TAFA4: variants seen among roughly 807,000 people sequenced by gnomAD.
TAFA4 encodes chemokine-like protein TAFA-4.
Under a neutral mutation model 21.1 loss-of-function variants are expected in TAFA4, and 20 were observed. The ratio of observed to expected loss-of-function variants is 0.95; its 90% CI spans 0.67 to 1.38. The LOEUF (loss-of-function observed/expected upper bound fraction) is 1.38, where lower values mean the gene tolerates loss of function less well. Among genes scored for constraint, TAFA4 ranks in the 40% most tolerant of loss-of-function variants. The pLI, the probability that TAFA4 is intolerant of heterozygous loss-of-function variation, is 0.00. For synonymous variants in TAFA4, 71 were observed against 67.4 expected (o/e 1.05, Z -0.26); for missense variants, 211 against 180.9 (o/e 1.17, Z -0.95).
chr3:68,793,624 A>G (rs907474971), intron 3 of TAFA4, among the ~76,000 whole-genome samples: 4 of 152,204 alleles, frequency 2.6e-5, no homozygotes, highest in Non-Finnish European at 5.9e-5. Flanking sequence ...GAACTTCATG[A>G]AGAGTAAAAA....
intron 3 of TAFA4, among the ~76,000 whole-genome samples, chr3:68,849,490 C>A (rs145394853): frequency 5.8e-4 from 89 of 152,284 alleles, no homozygotes; most frequent in African/African-American, 2.1e-3. Context: ...TAAGACTACA[C>A]AGATCAGCAG....
chr3:68,777,973 A>G (rs1281213786), intron 3 of TAFA4, among the ~76,000 whole-genome samples: 2 of 152,158 alleles, frequency 1.3e-5, no homozygotes, highest in African/African-American at 4.8e-5. Context: ...TGACAACATT[A>G]CCTAACAATA....
chr3:68,840,379 T>C (rs1208174687), intron 3 of TAFA4, among the ~76,000 whole-genome samples: 1 of 152,038 alleles, frequency 6.6e-6, no homozygotes, highest in African/African-American at 2.4e-5. Flanking sequence ...CAACTAATTT[T>C]TGTATTTGTA....
intron 4 of TAFA4, among the ~76,000 whole-genome samples, chr3:68,743,231 G>C (rs1178065762): frequency 6.6e-6 from 1 of 152,098 alleles, no homozygotes; most frequent in Non-Finnish European, 1.5e-5. Flanking sequence ...TATTGTGCCA[G>C]AGACTGCCAC....
At chr3:68,758,254 A>C (rs996076697) in intron 3 of TAFA4, among the ~76,000 whole-genome samples, 15 of 152,194 alleles carry the variant, frequency 9.9e-5, no homozygotes, top group African/African-American at 3.6e-4. Flanking sequence ...GTCTTTTTAG[A>C]AATTTGTGTA....
intron 4 of TAFA4, among the ~76,000 whole-genome samples, chr3:68,748,538 C>A (rs992810725): frequency 6.6e-6 from 1 of 152,078 alleles, no homozygotes; most frequent in African/African-American, 2.4e-5. Flanking sequence ...GTCAGGAGAT[C>A]GAGACCATCC....
At chr3:68,929,467 G>A (rs1467289099) in intron 1 of TAFA4, among the ~76,000 whole-genome samples, 1 of 152,148 alleles carries the variant, frequency 6.6e-6, no homozygotes, top group African/African-American at 2.4e-5. Flanking sequence ...ATGATTGATT[G>A]GCTTCAGGAC....
intron 3 of TAFA4, among the ~76,000 whole-genome samples, chr3:68,756,306 G>GACA (rs1702658916): frequency 1.3e-5 from 2 of 152,140 alleles, no homozygotes; most frequent in South Asian, 4.1e-4. Flanking sequence ...ATTAAGGAAA[G>GACA]ACAACTTTTT....
In TAFA4 at chr3:68,784,325, C is replaced by T. The variant is rs538138736; in HGVS notation, c.131-31307G>A. 2.6e-5 allele frequency among the ~76,000 whole-genome samples: 4 copies of T among 152,342 alleles called. No individual in the cohort carries two copies. In the South Asian group the frequency reaches 8.3e-4, roughly 32 times the overall value. On this transcript the variant is annotated intron_variant, in intron 3 of 5. Transcript: ENST00000295569. Reference sequence around the variant, plus strand: ...GGTCTCACTGACTTCAAGAATGAAGCTGCAGACCCTCACGGTGAGTGTTAC... The same window carrying T: ...GGTCTCACTGACTTCAAGAATGAAGTTGCAGACCCTCACGGTGAGTGTTAC...
At chr3:68,806,532 G>A (rs1366170100) in intron 3 of TAFA4, among the ~76,000 whole-genome samples, 1 of 152,088 alleles carries the variant, frequency 6.6e-6, no homozygotes, top group Non-Finnish European at 1.5e-5. Flanking sequence ...GAGTATATAA[G>A]ATAGCAATGA....
intron 3 of TAFA4, among the ~76,000 whole-genome samples, chr3:68,842,180 C>T (rs1704680625): frequency 6.6e-6 from 1 of 152,190 alleles, no homozygotes; most frequent in African/African-American, 2.4e-5. Context: ...AAAAGCCTTC[C>T]TATTTCTCCA....
chr3:68,913,957 G>A lies in TAFA4; in HGVS notation c.-123+18283C>T, dbSNP rs116225797. Among the ~76,000 whole-genome samples the A allele has an allele frequency of 8.1e-4, 124 of 152,284 alleles. 2 individuals are homozygous for A. Among genetic ancestry groups the A allele is most frequent in the African/African-American group, 2.6e-3 (108 of 41,548 alleles). ...TTGGCATAAAATAAGTGCTATATGT[G>A]TGGTAGCTATGTTTTCTTTTAATTA... On this transcript the variant is annotated intron_variant, in intron 1 of 5. Coordinates refer to ENST00000295569, the MANE Select transcript of TAFA4 (RefSeq NM_182522.5).
intron 3 of TAFA4, among the ~76,000 whole-genome samples, chr3:68,817,491 T>G (rs1477502153): frequency 6.6e-6 from 1 of 152,218 alleles, no homozygotes; most frequent in East Asian, 1.9e-4. Context: ...TAGTGGTATC[T>G]AGAATGGTGA....
intron 3 of TAFA4, among the ~76,000 whole-genome samples, chr3:68,780,970 A>G (rs1222283629): frequency 6.6e-6 from 1 of 152,156 alleles, no homozygotes; most frequent in African/African-American, 2.4e-5. Flanking sequence ...GATTTACACT[A>G]AAAGTAAATA....
At chr3:68,844,082 A>G (rs570584741) in intron 3 of TAFA4, among the ~76,000 whole-genome samples, 2 of 152,284 alleles carry the variant, frequency 1.3e-5, no homozygotes, top group South Asian at 4.1e-4. Flanking sequence ...GAATAGTTTC[A>G]GAAGGAATGG....
At chr3:68,885,551 T>G (rs1180209129) in intron 1 of TAFA4, among the ~76,000 whole-genome samples, 1 of 152,162 alleles carries the variant, frequency 6.6e-6, no homozygotes, top group African/African-American at 2.4e-5. Context: ...TGTAAAGAAC[T>G]TTCTGCAGCA....
rs369248415 is a variant in TAFA4 at position 68,872,428 on chromosome 3, G to A, written c.130+8302C>T. 3.9e-4 allele frequency among the ~76,000 whole-genome samples: 59 copies of A among 152,102 alleles called. 2 individuals carry two copies. In the South Asian group the frequency reaches 0.011, roughly 29 times the overall value. Reference sequence around the variant, plus strand: ...GGTTGGGAGGAGGGAGAGATGAACAGAGGTTAATAGTTTAAAAAAATGCAG... The same window carrying A: ...GGTTGGGAGGAGGGAGAGATGAACAAAGGTTAATAGTTTAAAAAAATGCAG... On this transcript the variant is annotated intron_variant, in intron 3 of 5. Transcript: ENST00000295569.
chr3:68,832,057 GT>G (rs60916515), intron 3 of TAFA4, among the ~76,000 whole-genome samples: 5,356 of 152,130 alleles, frequency 0.035, 317 homozygotes, highest in African/African-American at 0.12. Context: ...CTCTACACTG[GT>G]TATTCCAGTT....
At chr3:68,926,540 CTT>C (rs1263025239) in intron 1 of TAFA4, among the ~76,000 whole-genome samples, 1 of 152,184 alleles carries the variant, frequency 6.6e-6, no homozygotes, top group Admixed American at 6.5e-5. Context: ...GGATAAGACA[CTT>C]TTCACTACTC....
Sources: allele counts gnomAD v4.1 joint callset (sites outside exome capture counted in the v4.1 genomes callset), GRCh38; gene constraint gnomAD v4.1.1; transcripts MANE v1.5; gene names NCBI Gene and HGNC (gene_info 2026-07-23, HGNC 2026-07-21).